The following OPCML variants were observed in gnomAD, a reference collection of about 807,000 sequenced individuals.
OPCML encodes the protein opioid-binding protein/cell adhesion molecule.
A neutral mutation model predicts 37.8 loss-of-function variants in OPCML; 13 were observed. The observed-to-expected ratio is 0.34, with a 90% CI of 0.22 to 0.55. OPCML has a LOEUF of 0.55. Among genes scored for constraint, OPCML ranks in the 20% least tolerant of loss-of-function variants. OPCML has a pLI of 0.91. For missense variants in OPCML, 341 were observed against 435.6 expected, an observed-to-expected ratio of 0.78 and a Z score of 1.93; for synonymous variants, 176 against 168.8, an observed-to-expected ratio of 1.04 and a Z score of -0.33.
rs777588431 is a variant in OPCML, at chr11:133,050,041, C to A, written c.62-107031G>T. On this transcript the variant is annotated intron_variant, in intron 1 of 7. Coordinates refer to ENST00000524381, the MANE Select transcript of OPCML (RefSeq NM_001012393.5). ...GGGAGATTGTCTTCTGTGGGCATGACTTAACAAGTTGAGAGTCTGTAAATG... is the reference window on the plus strand; with the variant it reads ...GGGAGATTGTCTTCTGTGGGCATGAATTAACAAGTTGAGAGTCTGTAAATG... Among the ~76,000 whole-genome samples, 205 of 152,224 alleles carry A rather than the reference C, an allele frequency of 1.3e-3. 1 individual carries two copies. The highest frequency in any genetic ancestry group is 1.9e-3 in the Non-Finnish European group (132 of 68,038).
intron 4 of OPCML, among the ~76,000 whole-genome samples, chr11:132,453,003 G>A (rs1176606519): frequency 6.6e-6 from 1 of 152,156 alleles, no homozygotes; most frequent in African/African-American, 2.4e-5. Context: ...CCCACATCTT[G>A]TAAGGGATTG....
intron 1 of OPCML, among the ~76,000 whole-genome samples, chr11:133,085,583 A>G (rs1226779405): frequency 6.6e-6 from 1 of 152,262 alleles, no homozygotes; most frequent in Non-Finnish European, 1.5e-5. Flanking sequence ...GCAGTGGTGT[A>G]GCCTGATGAA....
intron 1 of OPCML, among the ~76,000 whole-genome samples, chr11:133,437,071 ATTGT>A (rs569458372): frequency 1.3e-5 from 2 of 152,148 alleles, no homozygotes; most frequent in Non-Finnish European, 1.5e-5. Context: ...AAGCCTAATG[ATTGT>A]TTAAGTTTTT....
chr11:133,204,006 C>A (rs1043987701), intron 1 of OPCML, among the ~76,000 whole-genome samples: 1 of 133,038 alleles, frequency 7.5e-6, no homozygotes, highest in Non-Finnish European at 1.5e-5. Context: ...TGCATTGAGC[C>A]GAGATCCCGC....
intron 1 of OPCML, among the ~76,000 whole-genome samples, chr11:133,084,220 C>A (rs1343490075): frequency 1.3e-5 from 2 of 152,148 alleles, no homozygotes; most frequent in African/African-American, 2.4e-5. Context: ...TAGTAAGTGG[C>A]AGAACCAGCA....
At chr11:133,075,058 T>C (rs1948600462) in intron 1 of OPCML, among the ~76,000 whole-genome samples, 1 of 152,144 alleles carries the variant, frequency 6.6e-6, no homozygotes, top group South Asian at 2.1e-4. Flanking sequence ...GCAGTGGACG[T>C]CAGCCTCTCA....
chr11:132,603,962 C>G (rs533574179), intron 3 of OPCML, among the ~76,000 whole-genome samples: 2 of 152,276 alleles, frequency 1.3e-5, no homozygotes, highest in African/African-American at 2.4e-5. Context: ...TGCTATAGCT[C>G]TATCAGTGAA....
At chr11:132,821,695 C>T (rs117442891) in intron 2 of OPCML, among the ~76,000 whole-genome samples, 1,864 of 152,294 alleles carry the variant, frequency 0.012, 27 homozygotes, top group Non-Finnish European at 0.015. Context: ...CTGACTTCGA[C>T]ACTTTCTTCC....
rs968987658 is a variant in OPCML at position 133,419,247 on chromosome 11, G to C, written c.61+113017C>G. The C allele has an allele frequency of 1.4e-4, 142 of 985,314 alleles. 1 individual carries two copies. Among genetic ancestry groups the C allele is most frequent in the Non-Finnish European group, 4.5e-5 (37 of 829,934 alleles). The allele number at this position is 985,314 out of a possible 1,614,324, so 61.0% of individuals were successfully genotyped here. ...GGTAATTACAGTCATAGTTGGGAGA[G>C]AGTATATGAGTTTGGTTTTGAACAT... is the stretch of plus-strand genomic sequence containing the variant. On this transcript the variant is annotated intron_variant, in intron 1 of 7. Coordinates refer to ENST00000524381, the MANE Select transcript of OPCML (RefSeq NM_001012393.5).
chr11:132,509,579 G>A (rs772045239), intron 4 of OPCML, among the ~76,000 whole-genome samples: 8 of 152,178 alleles, frequency 5.3e-5, no homozygotes, highest in East Asian at 1.9e-4. Flanking sequence ...GCCCTGTGTC[G>A]CAGCTGAGCC....
At chr11:133,158,695 T>C (rs899625784) in intron 1 of OPCML, among the ~76,000 whole-genome samples, 5 of 94,384 alleles carry the variant, frequency 5.3e-5, no homozygotes, top group Non-Finnish European at 8.6e-5. Context: ...TGAGACTCTG[T>C]CTAAAAATAA....
At chr11:132,858,901 G>A (rs1315563477) in intron 2 of OPCML, among the ~76,000 whole-genome samples, 2 of 152,150 alleles carry the variant, frequency 1.3e-5, no homozygotes, top group Non-Finnish European at 2.9e-5. Flanking sequence ...AAAGATCTAA[G>A]TAGCATTGTT....
At chr11:132,952,518 A>T (rs932964404) in intron 1 of OPCML, among the ~76,000 whole-genome samples, 1 of 152,228 alleles carries the variant, frequency 6.6e-6, no homozygotes, top group Non-Finnish European at 1.5e-5. Flanking sequence ...TGGTTTTCCT[A>T]GTCAGCTGCT....
rs116776063 is a variant in OPCML, at chr11:133,037,782, G to A, written c.62-94772C>T. Among the ~76,000 whole-genome samples, 216 of 152,296 alleles carry A rather than the reference G, an allele frequency of 1.4e-3. 1 individual carries two copies. Among genetic ancestry groups the A allele is most frequent in the African/African-American group, 5.0e-3 (209 of 41,572 alleles). On this transcript the variant is annotated intron_variant, in intron 1 of 7. Transcript: ENST00000524381. ...AGAGCAAGCTCATCATCTGTGCCAT[G>A]CTGGATAAAACTCTCCATAGGCAGA...
intron 2 of OPCML, among the ~76,000 whole-genome samples, chr11:132,701,160 T>A (rs1301109597): frequency 6.6e-6 from 1 of 152,170 alleles, no homozygotes; most frequent in Non-Finnish European, 1.5e-5. Context: ...AGCCTTACAA[T>A]CATGGTGGAA....
At chr11:133,251,199 C>T (rs1941120707) in intron 1 of OPCML, among the ~76,000 whole-genome samples, 1 of 152,110 alleles carries the variant, frequency 6.6e-6, no homozygotes, top group South Asian at 2.1e-4. Flanking sequence ...ACATGTTTCA[C>T]GACAGTGGGC....
At chr11:132,998,567 T>C (rs1565389563) in intron 1 of OPCML, among the ~76,000 whole-genome samples, 1 of 152,178 alleles carries the variant, frequency 6.6e-6, no homozygotes. Flanking sequence ...ACACAATTCA[T>C]GTTGTCGTTA....
At chr11:133,308,876 G>T (rs76217829) in intron 1 of OPCML, among the ~76,000 whole-genome samples, 2,497 of 152,246 alleles carry the variant, frequency 0.016, 35 homozygotes, top group Non-Finnish European at 0.024. Context: ...ACTTCAAAGA[G>T]TTCACAATAA....
intron 1 of OPCML, among the ~76,000 whole-genome samples, chr11:133,303,340 G>C (rs150313537): frequency 6.6e-6 from 1 of 152,116 alleles, no homozygotes; most frequent in Non-Finnish European, 1.5e-5. Context: ...GCAATCATAC[G>C]CATTGCATGA....
Sources: allele counts gnomAD v4.1 joint callset (sites outside exome capture counted in the v4.1 genomes callset), GRCh38; gene constraint gnomAD v4.1.1; transcripts MANE v1.5; gene names NCBI Gene and HGNC (gene_info 2026-07-23, HGNC 2026-07-21).